Variants in MROH2B observed in about 807,000 individuals in gnomAD.
MROH2B encodes maestro heat-like repeat-containing protein family member 2B.
MROH2B carries 177 observed loss-of-function variants against 208.6 expected under a neutral mutation model. The ratio of observed to expected loss-of-function variants is 0.85; its 90% CI spans 0.75 to 0.96. The LOEUF (loss-of-function observed/expected upper bound fraction) is 0.96, where lower values mean the gene tolerates loss of function less well. MROH2B is among the 40% of genes least tolerant of loss of function. MROH2B has a pLI of 0.00. For synonymous variants in MROH2B, 728 were observed against 659.0 expected (o/e 1.10, Z -1.60); for missense variants, 2,002 against 1,878.7 (o/e 1.07, Z -1.21).
chr5:41,066,872 T>G (rs1488884332), intron 3 of MROH2B, among the ~76,000 whole-genome samples: 1 of 152,208 alleles, frequency 6.6e-6, no homozygotes, highest in African/African-American at 2.4e-5. Context: ...ATGGTGAACT[T>G]CCTCATCTAA....
intron 17 of MROH2B, among the ~76,000 whole-genome samples, chr5:41,047,403 T>A (rs142916989): frequency 6.6e-6 from 1 of 152,310 alleles, no homozygotes; most frequent in East Asian, 1.9e-4. Flanking sequence ...ATTATGTGGC[T>A]GGTAAAAGAA....
rs545852141 is a variant in MROH2B at position 41,065,382 on chromosome 5, G to A, written c.310C>T (p.Leu104=). ...GCAAGCACAACGAATTCATCTGGTA[G>A]CTCTAAGATCCTGAAGTTACTTTGT... ...EVQSNFRILE[L]PDEFVVLALA... The change falls in exon 4 of 42, where the codon CTA becomes TTA. Residue 104 remains leucine, a synonymous_variant. Transcript: ENST00000399564. 53 of 1,613,384 alleles carry A rather than the reference G, an allele frequency of 3.3e-5. No individual in the cohort carries two copies. In the East Asian group the frequency reaches 1.1e-3, roughly 33 times the overall value.
chr5:41,027,067 C>G, intron 24 of MROH2B, among the ~76,000 whole-genome samples: 1 of 152,140 alleles, frequency 6.6e-6, no homozygotes, highest in Admixed American at 6.5e-5. Flanking sequence ...AAATGCTAGA[C>G]GTAAAACCAT....
intron 24 of MROH2B, among the ~76,000 whole-genome samples, chr5:41,031,758 C>G (rs1198283794): frequency 6.6e-6 from 1 of 152,016 alleles, no homozygotes. Context: ...CACAACTAGG[C>G]CCCAGTGTCT....
intron 28 of MROH2B, among the ~76,000 whole-genome samples, chr5:41,016,509 T>TTTG (rs986189041): frequency 2.9e-5 from 4 of 139,450 alleles, no homozygotes; most frequent in East Asian, 4.1e-4. Flanking sequence ...TTTTTTTTTT[T>TTTG]TTTTTTTTTT....
At position 41,005,070 on chromosome 5, in the gene MROH2B, CT is replaced by C. The variant is rs1741532731; in HGVS notation, c.3865-151del. On this transcript the variant is annotated intron_variant, in intron 35 of 41. Transcript: ENST00000399564. ...CCCTCTGGTGAACCAGCAAGCCTTG[CT>C]GAAGCTGAGCTCTAGATATGAGCAG... 3.7e-6 allele frequency: 4 copies of C among 1,080,016 alleles called. No homozygotes were observed. The Admixed American group carries it at 8.9e-5, about 24-fold the overall frequency. 66.9% of individuals were successfully genotyped at this position (1,080,016 alleles called of 1,614,324 possible). A position where few individuals can be genotyped will look rare whatever the true frequency, so the allele number is the denominator to read the frequency against.
rs1345486515 is a variant in MROH2B, at chr5:41,067,226, T to G, written c.91-8A>C. On this transcript the variant is annotated splice_polypyrimidine_tract_variant and splice_region_variant and intron_variant, in intron 2 of 41. Coordinates refer to ENST00000399564, the MANE Select transcript of MROH2B (RefSeq NM_173489.5). ...ATGACTGTAAATGTCTTCCTGTGAATATACAAAGGCATACACAGAAATTTG... is the reference window on the plus strand; with the variant it reads ...ATGACTGTAAATGTCTTCCTGTGAAGATACAAAGGCATACACAGAAATTTG... 1.3e-6 allele frequency: 2 copies of G among 1,492,896 alleles called. No individual in the cohort carries two copies. Among genetic ancestry groups the G allele is most frequent in the Non-Finnish European group, 1.8e-6 (2 of 1,093,950 alleles). 92.5% of individuals were successfully genotyped at this position (1,492,896 alleles called of 1,614,324 possible). A position where few individuals can be genotyped will look rare whatever the true frequency, so the allele number is the denominator to read the frequency against.
chr5:41,022,589 G>C (rs1036576425), intron 24 of MROH2B, among the ~76,000 whole-genome samples: 2 of 152,204 alleles, frequency 1.3e-5, no homozygotes, highest in African/African-American at 4.8e-5. Flanking sequence ...AGCTCAAGGA[G>C]GCCTGCCTGC....
intron 10 of MROH2B, 145 bp downstream of exon 10, chr5:41,055,597 G>A: frequency 3.4e-6 from 2 of 595,676 alleles, no homozygotes; most frequent in East Asian, 2.9e-5. Context: ...ATTGTAGATT[G>A]TGGAAGATTA....
At chr5:41,035,936 C>T (rs1742742913) in intron 21 of MROH2B, among the ~76,000 whole-genome samples, 1 of 152,020 alleles carries the variant, frequency 6.6e-6, no homozygotes, top group African/African-American at 2.4e-5. Flanking sequence ...ATGGAGATTT[C>T]TCAAAGAACT....
chr5:41,062,501 A>G (rs1211959852), intron 5 of MROH2B, among the ~76,000 whole-genome samples: 2 of 152,222 alleles, frequency 1.3e-5, no homozygotes, highest in Admixed American at 6.5e-5. Context: ...GTCTGTGTCT[A>G]TGTTTTACTT....
chr5:41,019,121 C>A, intron 24 of MROH2B, 103 bp from the exon 25 acceptor site: 1 of 1,439,052 alleles, frequency 6.9e-7, no homozygotes, highest in Non-Finnish European at 9.5e-7. Context: ...AGGCAACTAA[C>A]GTGTCACATT....
Position 41,039,510 on chromosome 5 carries a change from T to C in MROH2B, c.1999A>G (p.Ile667Val), listed in dbSNP as rs1277329139. The C allele has an allele frequency of 3.1e-6, 5 of 1,608,410 alleles. No individual in the cohort carries two copies. The Admixed American group carries it at 8.4e-5, about 27-fold the overall frequency. The change falls in exon 20 of 42, where the codon ATT becomes GTT. Residue 667 changes from isoleucine to valine, a missense_variant. By Grantham distance (29) the Ile-to-Val change is conservative. Coordinates refer to ENST00000399564, the MANE Select transcript of MROH2B (RefSeq NM_173489.5). ...LGYCAENHLD[I>V]VLKVLKTFQN... ...AATGTTTTAAGAACTTTTAAAACAA[T>C]ATCCAAATGGTTCTCGGCACAGTAT...
chr5:41,033,718 G>A (rs532911936), intron 22 of MROH2B, 120 bp downstream of exon 22: 2 of 805,322 alleles, frequency 2.5e-6, no homozygotes, highest in African/African-American at 1.7e-5. Flanking sequence ...GTTACATGTT[G>A]GAAACCTTTC....
intron 2 of MROH2B, among the ~76,000 whole-genome samples, chr5:41,069,411 G>GT (rs1290108517): frequency 1.3e-5 from 2 of 152,120 alleles, no homozygotes; most frequent in African/African-American, 2.4e-5. Flanking sequence ...CCACATGTTT[G>GT]TAAGTCTGAC....
rs1282215047 is a variant in MROH2B at position 41,006,093 on chromosome 5, G to A, written c.3750-448C>T. 4.0e-5 allele frequency among the ~76,000 whole-genome samples: 6 copies of A among 150,464 alleles called. No individual in the cohort carries two copies. In the East Asian group the frequency reaches 1.2e-3, roughly 29 times the overall value. On this transcript the variant is annotated intron_variant, in intron 34 of 41. Transcript: ENST00000399564. ...GGGATGCTTGATGAAAGCCCACCAAGGCTTAAATTTTAAAATGGCCTATCC... is the reference window on the plus strand; with the variant it reads ...GGGATGCTTGATGAAAGCCCACCAAAGCTTAAATTTTAAAATGGCCTATCC...
At chr5:41,040,352 C>A (rs1253063419) in intron 19 of MROH2B, among the ~76,000 whole-genome samples, 2 of 152,174 alleles carry the variant, frequency 1.3e-5, no homozygotes, top group Non-Finnish European at 2.9e-5. Flanking sequence ...GTTCCTGAAA[C>A]CTGTTATATG....
intron 32 of MROH2B, 106 bp downstream of exon 32, chr5:41,009,174 G>A: frequency 6.9e-7 from 1 of 1,443,708 alleles, no homozygotes; most frequent in Admixed American, 2.0e-5. Flanking sequence ...GGGTATGAGA[G>A]AAGAAGGAGG....
At chr5:41,043,262 C>G (rs1026999148) in intron 18 of MROH2B, among the ~76,000 whole-genome samples, 1 of 152,192 alleles carries the variant, frequency 6.6e-6, no homozygotes, top group East Asian at 1.9e-4. Context: ...CCCAGAGTGA[C>G]AGTGGCCTCA....
Sources: gnomAD v4.1 joint callset for allele counts (sites outside exome capture counted in the v4.1 genomes callset) on GRCh38, gnomAD v4.1.1 for gene constraint, MANE v1.5 for transcripts, NCBI Gene and HGNC (gene_info 2026-07-23, HGNC 2026-07-21) for gene names.